GIGYF2: variants seen among roughly 807,000 people sequenced by gnomAD.
GIGYF2 encodes GRB10 interacting GYF protein 2.
A neutral mutation model predicts 208.1 loss-of-function variants in GIGYF2; 25 were observed. The observed-to-expected ratio is 0.12, with a 90% CI of 0.09 to 0.17. The LOEUF (loss-of-function observed/expected upper bound fraction) is 0.17. Ranked by LOEUF, GIGYF2 falls within the 10% of genes least tolerant of loss-of-function variation. GIGYF2 has a pLI of 1.00. For missense variants in GIGYF2, 1,302 were observed against 1,579.4 expected, an observed-to-expected ratio of 0.82 and a Z score of 2.98; for synonymous variants, 534 against 543.8, an observed-to-expected ratio of 0.98 and a Z score of 0.25.
In GIGYF2 at chr2:232,858,372, C is replaced by G. The variant is rs768294031; in HGVS notation, c.*1512C>G. 1 of 412,746 alleles carries G rather than the reference C, an allele frequency of 2.4e-6. No homozygotes were observed. The highest frequency in any genetic ancestry group is 1.8e-5 in the South Asian group (1 of 56,478). The allele number at this position is 412,746 out of a possible 1,614,324, so 25.6% of individuals were successfully genotyped here. ...CCATTCTCCCTATCCCTTCTTGCCT[C>G]CCTCCCTTCTAAACATGTGTAATAA... is the stretch of plus-strand genomic sequence containing the variant. On this transcript the variant is annotated 3_prime_UTR_variant, in exon 29 of 29. Coordinates refer to ENST00000373563, the MANE Select transcript of GIGYF2 (RefSeq NM_001103146.3).
intron 8 of GIGYF2, chr2:232,770,835 C>G (rs1699213922): frequency 9.0e-7 from 1 of 1,112,888 alleles, no homozygotes; most frequent in Non-Finnish European, 1.3e-6. Context: ...ATACCCTTTC[C>G]AAACACCTGT....
At chr2:232,808,461 T>G (rs1415493943) in intron 15 of GIGYF2, among the ~76,000 whole-genome samples, 1 of 152,206 alleles carries the variant, frequency 6.6e-6, no homozygotes, top group Non-Finnish European at 1.5e-5. Context: ...GTCTTTGACC[T>G]GAATATTGTT....
At chr2:232,726,091 G>C (rs527543095) in intron 2 of GIGYF2, among the ~76,000 whole-genome samples, 196 of 152,222 alleles carry the variant, frequency 1.3e-3, no homozygotes, top group African/African-American at 4.6e-3. Flanking sequence ...TGGGCGCCGT[G>C]GCCCACACCT....
chr2:232,803,406 C>T (rs1041054579), intron 14 of GIGYF2, among the ~76,000 whole-genome samples: 4 of 151,994 alleles, frequency 2.6e-5, no homozygotes, highest in African/African-American at 9.7e-5. Flanking sequence ...AACACTTTGC[C>T]TAGCTTTAGA....
chr2:232,725,688 C>T (rs1196331752), intron 2 of GIGYF2, among the ~76,000 whole-genome samples: 4 of 152,330 alleles, frequency 2.6e-5, no homozygotes, highest in South Asian at 2.1e-4. Flanking sequence ...GAGCTTACTT[C>T]GCATAGTTCA....
At chr2:232,729,927 C>T in intron 2 of GIGYF2, 1 of 736,606 alleles carries the variant, frequency 1.4e-6, no homozygotes, top group Non-Finnish European at 2.5e-6. Flanking sequence ...ATCTTTAGCT[C>T]CTCTTCCTAT....
chr2:232,746,493 G>T, intron 3 of GIGYF2, among the ~76,000 whole-genome samples: 1 of 152,044 alleles, frequency 6.6e-6, no homozygotes, highest in East Asian at 1.9e-4. Context: ...CTTGATATCA[G>T]CTACTCCTGA....
intron 8 of GIGYF2, among the ~76,000 whole-genome samples, chr2:232,762,411 C>T (rs936131314): frequency 1.3e-5 from 2 of 151,754 alleles, no homozygotes; most frequent in Non-Finnish European, 2.9e-5. Context: ...TGCCACCACA[C>T]CTGGCTAATT....
At chr2:232,712,453 T>C (rs899804063) in intron 2 of GIGYF2, among the ~76,000 whole-genome samples, 9 of 152,182 alleles carry the variant, frequency 5.9e-5, no homozygotes, top group East Asian at 1.9e-4. Context: ...AAGTGGCTTT[T>C]CCCCCCTCTC....
At chr2:232,850,128 CAT>C in intron 27 of GIGYF2, 132 bp from the exon 28 acceptor site, 1 of 800,136 alleles carries the variant, frequency 1.2e-6, no homozygotes, top group South Asian at 1.4e-5. Flanking sequence ...ATTATTAGAA[CAT>C]GTGATGAAAA....
chr2:232,700,821 G>A (rs908085696), intron 1 of GIGYF2, among the ~76,000 whole-genome samples: 5 of 151,540 alleles, frequency 3.3e-5, no homozygotes, highest in Admixed American at 3.3e-4. Context: ...AAGAATAAAA[G>A]GAAAAATATA....
intron 28 of GIGYF2, 135 bp downstream of exon 28, chr2:232,850,544 G>A: frequency 1.1e-6 from 1 of 891,040 alleles, no homozygotes; most frequent in Non-Finnish European, 1.8e-6. Flanking sequence ...GTTTTAACTG[G>A]TTCAAAATAA....
chr2:232,701,381 G>T, intron 1 of GIGYF2, among the ~76,000 whole-genome samples: 1 of 151,214 alleles, frequency 6.6e-6, no homozygotes, highest in Admixed American at 6.6e-5. Flanking sequence ...GGGGTTTGGG[G>T]TTGCAGTGAG....
At chr2:232,837,701 C>T (rs534790154) in intron 22 of GIGYF2, among the ~76,000 whole-genome samples, 2 of 152,148 alleles carry the variant, frequency 1.3e-5, no homozygotes, top group South Asian at 2.1e-4. Context: ...TCAAGTGATC[C>T]GCCTGCCTCG....
chr2:232,757,319 G>A (rs1165057340), intron 6 of GIGYF2, among the ~76,000 whole-genome samples: 1 of 148,502 alleles, frequency 6.7e-6, no homozygotes, highest in Non-Finnish European at 1.5e-5. Context: ...ACATAGTTGT[G>A]TTTTTCCCTC....
At chr2:232,747,837 A>G (rs1425858880) in intron 4 of GIGYF2, 93 bp downstream of exon 4, 1 of 1,225,650 alleles carries the variant, frequency 8.2e-7, no homozygotes, top group Non-Finnish European at 1.2e-6. Context: ...TTATTTTACT[A>G]ATGTATTGAC....
intron 23 of GIGYF2, among the ~76,000 whole-genome samples, chr2:232,842,200 C>T (rs1701839778): frequency 1.3e-5 from 2 of 151,890 alleles, no homozygotes; most frequent in Admixed American, 6.6e-5. Flanking sequence ...TATTGGGCTT[C>T]TCCTGTTAGA....
intron 8 of GIGYF2, among the ~76,000 whole-genome samples, chr2:232,780,081 A>C (rs1383690517): frequency 6.6e-6 from 1 of 152,162 alleles, no homozygotes; most frequent in Non-Finnish European, 1.5e-5. Flanking sequence ...GAGATTGGGC[A>C]CTTGTAAGCT....
At chr2:232,760,303 A>T in intron 6 of GIGYF2, 177 bp from the exon 7 acceptor site, 1 of 603,070 alleles carries the variant, frequency 1.7e-6, no homozygotes. Flanking sequence ...CTTGTGGTCC[A>T]GCTACTTCAA....
Sources: gnomAD v4.1 joint callset for allele counts (sites outside exome capture counted in the v4.1 genomes callset) on GRCh38, gnomAD v4.1.1 for gene constraint, MANE v1.5 for transcripts, NCBI Gene and HGNC (gene_info 2026-07-23, HGNC 2026-07-21) for gene names.